TRIM9: variants seen among roughly 807,000 people sequenced by gnomAD.
TRIM9 encodes the protein E3 ubiquitin-protein ligase TRIM9.
Under a neutral mutation model 78.3 loss-of-function variants are expected in TRIM9, and 26 were observed. The observed-to-expected ratio is 0.33, with a 90% CI of 0.24 to 0.46. The LOEUF (loss-of-function observed/expected upper bound fraction) is 0.46. TRIM9 is among the 20% of genes least tolerant of loss of function. The pLI, the probability that TRIM9 is intolerant of heterozygous loss-of-function variation, is 1.00. For missense variants in TRIM9, 787 were observed against 1,036.4 expected, an observed-to-expected ratio of 0.76 and a Z score of 3.30; for synonymous variants, 398 against 416.5, an observed-to-expected ratio of 0.96 and a Z score of 0.54.
intron 1 of TRIM9, among the ~76,000 whole-genome samples, chr14:51,086,359 AAAATC>A (rs1596332414): frequency 7.6e-6 from 1 of 131,566 alleles, no homozygotes; most frequent in East Asian, 1.9e-4. Flanking sequence ...AAATGCTGTA[AAAATC>A]TTTAGAGCAG....
At chr14:50,980,682 G>A (rs2051755080) in intron 11 of TRIM9, among the ~76,000 whole-genome samples, 1 of 152,214 alleles carries the variant, frequency 6.6e-6, no homozygotes, top group African/African-American at 2.4e-5. Flanking sequence ...TTGGGTGATA[G>A]CACTGAGAAT....
intron 12 of TRIM9, 45 bp from the exon 13 acceptor site, chr14:50,977,398 CT>C (rs777174127): frequency 2.8e-6 from 4 of 1,439,346 alleles, no homozygotes; most frequent in African/African-American, 2.9e-5. Flanking sequence ...GTGCATCCCC[CT>C]GTCCCTTTAC....
At chr14:51,086,980 T>C (rs1596333408) in intron 1 of TRIM9, among the ~76,000 whole-genome samples, 1 of 152,158 alleles carries the variant, frequency 6.6e-6, no homozygotes, top group East Asian at 1.9e-4. Context: ...TCTACAGTTA[T>C]TTAATAAAAA....
At chr14:51,070,859 C>T (rs2062160171) in intron 1 of TRIM9, among the ~76,000 whole-genome samples, 1 of 152,060 alleles carries the variant, frequency 6.6e-6, no homozygotes, top group South Asian at 2.1e-4. Flanking sequence ...ATCATCTGGC[C>T]CCTGTAGGCA....
intron 1 of TRIM9, among the ~76,000 whole-genome samples, chr14:51,032,220 G>A (rs1355625723): frequency 6.6e-6 from 1 of 152,214 alleles, no homozygotes; most frequent in Non-Finnish European, 1.5e-5. Context: ...GGACCAACAT[G>A]GCATTGGAGT....
chr14:50,997,311 A>C, intron 7 of TRIM9: 1 of 985,366 alleles, frequency 1.0e-6, no homozygotes, highest in Non-Finnish European at 1.2e-6. Context: ...AAAATATTTA[A>C]AGTATAGCTA....
chr14:51,051,588 G>A (rs1451663944), intron 1 of TRIM9, among the ~76,000 whole-genome samples: 4 of 152,208 alleles, frequency 2.6e-5, no homozygotes, highest in Non-Finnish European at 4.4e-5. Context: ...GGTGTAATTA[G>A]CAGAGGAGTA....
rs112649796 is a variant in TRIM9 at position 51,086,712 on chromosome 14, C to T, written c.822+7406G>A. On this transcript the variant is annotated intron_variant, in intron 1 of 12. Coordinates refer to ENST00000684578, the MANE Select transcript of TRIM9 (RefSeq NM_001387360.1). ...TATGGACGCTATGGAGGAGGGTGAG[C>T]TGAACAGGTGACAGGGCTGGGAAGA... Among the ~76,000 whole-genome samples the T allele has an allele frequency of 4.2e-3, 635 of 152,148 alleles. 2 individuals carry two copies. The highest frequency in any genetic ancestry group is 0.017 in the Middle Eastern group (5 of 294).
Position 51,094,696 on chromosome 14 carries a change from C to G in TRIM9, c.244G>C (p.Gly82Arg). ...SEADSGYGSY[G>R]GFASAPTTPC... is the part of the protein sequence containing the mutation. ...GTAGTGGGGGCGCTGGCGAACCCCC[C>G]GTAGGAGCCATAGCCGCTGTCCGCC... The change falls in exon 1 of 13, where the codon GGG becomes CGG. Residue 82 changes from glycine (G) to arginine (R), a missense_variant. Gly to Arg is a moderately radical substitution (Grantham distance 125). Around this residue, in one of 3 missense-constraint regions of TRIM9, gnomAD observed 352 missense variants for 472.3 expected, o/e 0.75. Coordinates refer to ENST00000684578, the MANE Select transcript of TRIM9 (RefSeq NM_001387360.1). The G allele has an allele frequency of 1.3e-6, 2 of 1,568,582 alleles. No individual in the cohort carries two copies. The highest frequency in any genetic ancestry group is 1.7e-6 in the Non-Finnish European group (2 of 1,156,204).
chr14:51,094,161 C>A lies in TRIM9; in HGVS notation c.779G>T (p.Ser260Ile). 1 of 1,614,214 alleles carries A rather than the reference C, an allele frequency of 6.2e-7. No homozygotes were observed. Among genetic ancestry groups the A allele is most frequent in the Non-Finnish European group, 8.5e-7 (1 of 1,180,014 alleles). The change falls in exon 1 of 13, where the codon AGC becomes ATC. Residue 260 changes from serine to isoleucine, a missense_variant. Ser to Ile is a moderately radical substitution (Grantham distance 142). This residue lies in a region of TRIM9 where 352 missense variants were observed against 472.3 expected (regional missense o/e 0.75). Transcript: ENST00000684578. Reference sequence around the variant, plus strand: ...GGCCCCCAGAGCCTTGACTTCGTGGCTGGAGTGTTTGCCCTCCTCCAAGCA... The same window carrying A: ...GGCCCCCAGAGCCTTGACTTCGTGGATGGAGTGTTTGCCCTCCTCCAAGCA... ...YQCLEEGKHS[S>I]HEVKALGAMW...
At chr14:51,005,949 G>A (rs2055739060) in intron 5 of TRIM9, among the ~76,000 whole-genome samples, 1 of 152,154 alleles carries the variant, frequency 6.6e-6, no homozygotes, top group Non-Finnish European at 1.5e-5. Flanking sequence ...CATTCTTGCT[G>A]AATAGCAGCT....
At chr14:51,068,281 T>C (rs919816784) in intron 1 of TRIM9, among the ~76,000 whole-genome samples, 3 of 152,106 alleles carry the variant, frequency 2.0e-5, no homozygotes, top group Admixed American at 6.5e-5. Context: ...CCCAGTAAGG[T>C]CACACTCAAA....
chr14:51,068,467 A>T (rs1446819992), intron 1 of TRIM9, among the ~76,000 whole-genome samples: 1 of 152,250 alleles, frequency 6.6e-6, no homozygotes, highest in Admixed American at 6.5e-5. Flanking sequence ...CATGACATTT[A>T]TTAAGAGCTG....
intron 7 of TRIM9, among the ~76,000 whole-genome samples, chr14:50,988,954 GCC>G (rs2053122588): frequency 6.6e-6 from 1 of 152,188 alleles, no homozygotes; most frequent in Admixed American, 6.5e-5. Context: ...ATTGCTTCCA[GCC>G]AGCTCCCTCT....
chr14:51,033,711 G>C (rs1161099582), intron 1 of TRIM9, among the ~76,000 whole-genome samples: 2 of 152,126 alleles, frequency 1.3e-5, no homozygotes, highest in African/African-American at 2.4e-5. Context: ...GTGGTGTGCT[G>C]ATAAACCAGC....
chr14:50,985,945 G>C lies in TRIM9; in HGVS notation c.1792+11C>G. 6.6e-7 allele frequency: 1 copy of C among 1,516,370 alleles called. No homozygotes were observed. The highest frequency in any genetic ancestry group is 8.9e-7 in the Non-Finnish European group (1 of 1,129,780). The allele number at this position is 1,516,370 out of a possible 1,614,324, so 93.9% of individuals were successfully genotyped here. On this transcript the variant is annotated intron_variant, in intron 8 of 12. Transcript: ENST00000684578. ...GAGATCAAGGGGAAAGGTCTGAGGA[G>C]CTCAGCTCACCCGGTGCATTGAGAG...
At chr14:51,005,507 G>T (rs1325329162) in intron 5 of TRIM9, among the ~76,000 whole-genome samples, 1 of 152,140 alleles carries the variant, frequency 6.6e-6, no homozygotes, top group Non-Finnish European at 1.5e-5. Flanking sequence ...ACAATTCTGG[G>T]TTAATATTTA....
At chr14:51,037,931 C>A (rs926911159) in intron 1 of TRIM9, among the ~76,000 whole-genome samples, 3 of 152,166 alleles carry the variant, frequency 2.0e-5, no homozygotes, top group Non-Finnish European at 2.9e-5. Flanking sequence ...TGTGGCTCAG[C>A]AGCAGCAACA....
At chr14:51,071,252 TGTAATCCCAGCTACTCTGGAGGCTGA>T in intron 1 of TRIM9, among the ~76,000 whole-genome samples, 1 of 151,886 alleles carries the variant, frequency 6.6e-6, no homozygotes, top group South Asian at 2.1e-4. Context: ...GGCACATGCC[TGTAATCCCAGCTACTCTGGAGGCTGA>T]GGCAGGGGAA....
Sources: gnomAD v4.1 joint callset for allele counts (sites outside exome capture counted in the v4.1 genomes callset) on GRCh38, gnomAD v4.1.1 for gene constraint, gnomAD v4.1.1 regional missense constraint, MANE v1.5 for transcripts, NCBI Gene and HGNC (gene_info 2026-07-23, HGNC 2026-07-21) for gene names.